PPP1R9A: variants seen among roughly 807,000 people sequenced by gnomAD.
The protein encoded by PPP1R9A is protein phosphatase 1 regulatory subunit 9A, also known as neurabin-1.
A neutral mutation model predicts 141.9 loss-of-function variants in PPP1R9A; 59 were observed. That is an observed-to-expected ratio of 0.42 (90% CI 0.34 to 0.52). PPP1R9A has a LOEUF of 0.52. Ranked by LOEUF, PPP1R9A falls within the 20% of genes least tolerant of loss-of-function variation. The pLI is 0.10. For missense variants in PPP1R9A, 1,444 were observed against 1,611.9 expected (o/e 0.90, Z 1.78); for synonymous variants, 500 against 569.7 (o/e 0.88, Z 1.74).
chr7:95,224,685 A>G (rs1563451759), intron 7 of PPP1R9A, among the ~76,000 whole-genome samples: 1 of 151,998 alleles, frequency 6.6e-6, no homozygotes, highest in Non-Finnish European at 1.5e-5. Context: ...TAAGGACCAG[A>G]TTTCCTTCAC....
intron 5 of PPP1R9A, among the ~76,000 whole-genome samples, chr7:95,166,282 T>G (rs1182139142): frequency 6.6e-6 from 1 of 152,176 alleles, no homozygotes; most frequent in African/African-American, 2.4e-5. Context: ...CTCATAAGAT[T>G]TCTAGCCATT....
intron 12 of PPP1R9A, among the ~76,000 whole-genome samples, chr7:95,260,809 C>G (rs1427733006): frequency 6.6e-6 from 1 of 151,960 alleles, no homozygotes; most frequent in Non-Finnish European, 1.5e-5. Context: ...ATTTTACTTG[C>G]TTTTAATAGA....
intron 9 of PPP1R9A, among the ~76,000 whole-genome samples, chr7:95,248,001 G>C (rs1022178740): frequency 6.6e-6 from 1 of 151,200 alleles, no homozygotes; most frequent in African/African-American, 2.4e-5. Context: ...TTAAGTGCCA[G>C]GTACTACTGG....
chr7:95,023,824 T>A (rs1313177485), intron 2 of PPP1R9A, among the ~76,000 whole-genome samples: 1 of 152,186 alleles, frequency 6.6e-6, no homozygotes. Flanking sequence ...AGTGTTGGGA[T>A]TACAGGCGTG....
intron 4 of PPP1R9A, among the ~76,000 whole-genome samples, chr7:95,122,996 A>C (rs1822908697): frequency 6.6e-6 from 1 of 152,112 alleles, no homozygotes; most frequent in South Asian, 2.1e-4. Flanking sequence ...CAACTTGATT[A>C]AAAGAAGAAA....
intron 2 of PPP1R9A, among the ~76,000 whole-genome samples, chr7:95,041,958 C>A (rs895185607): frequency 1.3e-5 from 2 of 151,986 alleles, no homozygotes; most frequent in African/African-American, 2.4e-5. Context: ...AATCAGAGGT[C>A]AAAATACATG....
intron 4 of PPP1R9A, among the ~76,000 whole-genome samples, chr7:95,159,514 G>T (rs953648762): frequency 5.9e-5 from 9 of 152,136 alleles, no homozygotes; most frequent in Admixed American, 2.6e-4. Context: ...TGCTATACCT[G>T]TCAACCCATC....
intron 1 of PPP1R9A, among the ~76,000 whole-genome samples, chr7:94,909,582 C>T (rs35383103): frequency 0.083 from 12,548 of 152,026 alleles, 634 homozygotes; most frequent in Admixed American, 0.15. Context: ...TTCACAAAAG[C>T]GACCAAAACT....
At chr7:95,006,179 T>G (rs1003651613) in intron 2 of PPP1R9A, among the ~76,000 whole-genome samples, 1 of 151,262 alleles carries the variant, frequency 6.6e-6, no homozygotes, top group Non-Finnish European at 1.5e-5. Context: ...TAAAATAAAT[T>G]GAGATCTTAA....
chr7:95,175,214 C>G (rs1330983112), intron 5 of PPP1R9A: 1 of 151,890 alleles, frequency 6.6e-6, no homozygotes, highest in Admixed American at 6.6e-5. Flanking sequence ...TCACTTGGGT[C>G]TATGTTAGAG....
At chr7:95,033,721 T>C (rs1025050629) in intron 2 of PPP1R9A, among the ~76,000 whole-genome samples, 1 of 152,168 alleles carries the variant, frequency 6.6e-6, no homozygotes, top group Admixed American at 6.5e-5. Context: ...TTCCATTTTT[T>C]TTTCCATATG....
Position 95,284,057 on chromosome 7 carries a change from A to G in PPP1R9A, c.3336A>G (p.Pro1112=), listed in dbSNP as rs1585633367. The change falls in exon 17 of 20, where the codon CCA becomes CCG. Residue 1112 remains proline (P), a synonymous_variant. Coordinates refer to ENST00000433360, the MANE Select transcript of PPP1R9A (RefSeq NM_001166160.2). The part of the protein sequence containing the change: ...RGRLENWTPK[P]CSTAQTSTRS... ...GACTGGAAAACTGGACACCCAAGCC[A>G]TGTTCAACAGCTCAGACCTCCACTC... The G allele has an allele frequency of 6.3e-7, 1 of 1,598,470 alleles. No individual in the cohort carries two copies. The highest frequency in any genetic ancestry group is 1.1e-5 in the South Asian group (1 of 91,004).
intron 2 of PPP1R9A, among the ~76,000 whole-genome samples, chr7:94,938,370 A>C (rs182235026): frequency 6.6e-6 from 1 of 152,160 alleles, no homozygotes; most frequent in Non-Finnish European, 1.5e-5. Context: ...GTAGAAGGTC[A>C]TAACTGATAA....
intron 7 of PPP1R9A, among the ~76,000 whole-genome samples, chr7:95,204,692 A>G (rs1790347720): frequency 7.5e-6 from 1 of 133,758 alleles, no homozygotes. Flanking sequence ...CACCACACAT[A>G]CCCACACACA....
chr7:94,930,401 A>G (rs1794007146), intron 2 of PPP1R9A, among the ~76,000 whole-genome samples: 1 of 152,134 alleles, frequency 6.6e-6, no homozygotes, highest in Non-Finnish European at 1.5e-5. Flanking sequence ...ACAGTGGTGC[A>G]ATCTGAGCTC....
chr7:95,188,745 C>A (rs1477234392), intron 5 of PPP1R9A, among the ~76,000 whole-genome samples: 1 of 151,716 alleles, frequency 6.6e-6, no homozygotes, highest in Admixed American at 6.6e-5. Context: ...ATTACAGGCA[C>A]CTGCCACTGC....
intron 8 of PPP1R9A, among the ~76,000 whole-genome samples, chr7:95,246,193 A>G (rs1287423844): frequency 6.6e-6 from 1 of 152,100 alleles, no homozygotes; most frequent in East Asian, 1.9e-4. Flanking sequence ...GAACTTGGTA[A>G]AAACCCAAGG....
intron 3 of PPP1R9A, 129 bp from the exon 4 acceptor site, chr7:95,120,583 G>A: frequency 9.7e-7 from 1 of 1,027,814 alleles, no homozygotes; most frequent in Non-Finnish European, 1.4e-6. Flanking sequence ...TTCTGCTAAA[G>A]CAAGCATGTT....
At chr7:94,921,636 C>A (rs962155846) in intron 2 of PPP1R9A, among the ~76,000 whole-genome samples, 1 of 151,824 alleles carries the variant, frequency 6.6e-6, no homozygotes, top group Non-Finnish European at 1.5e-5. Context: ...TAACCCATTT[C>A]TCAGGGGGAA....
Sources: gnomAD v4.1 joint callset for allele counts (sites outside exome capture counted in the v4.1 genomes callset) on GRCh38, gnomAD v4.1.1 for gene constraint, MANE v1.5 for transcripts, NCBI Gene and HGNC (gene_info 2026-07-23, HGNC 2026-07-21) for gene names.